PCBD2: variants seen among roughly 807,000 people sequenced by gnomAD.
PCBD2 encodes the protein pterin-4 alpha-carbinolamine dehydratase 2.
In PCBD2, 12 loss-of-function variants were observed where a neutral mutation model predicts 16.4. The observed-to-expected ratio is 0.73, with a 90% CI of 0.47 to 1.19. The LOEUF is 1.19. Ranked by LOEUF, PCBD2 falls within the 50% of genes most tolerant of loss-of-function variation. PCBD2 has a pLI of 0.00. For synonymous variants in PCBD2, 58 were observed against 61.8 expected (o/e 0.94, Z 0.29); for missense variants, 138 against 156.8 (o/e 0.88, Z 0.64).
intron 2 of PCBD2, chr5:134,926,306 T>C: frequency 8.4e-6 from 3 of 355,374 alleles, no homozygotes; most frequent in Non-Finnish European, 1.5e-5. Flanking sequence ...ATGAATATTG[T>C]TGTGGGGAAG....
At chr5:134,906,644 G>A (rs975266403) in intron 1 of PCBD2, among the ~76,000 whole-genome samples, 7 of 152,106 alleles carry the variant, frequency 4.6e-5, no homozygotes, top group African/African-American at 1.7e-4. Context: ...TTCTGGGAAG[G>A]AATGAGTCAA....
intron 2 of PCBD2, among the ~76,000 whole-genome samples, chr5:134,934,032 A>G (rs1457025635): frequency 6.6e-6 from 1 of 152,232 alleles, no homozygotes; most frequent in Non-Finnish European, 1.5e-5. Context: ...TTCATAGGAA[A>G]TTAAATCTTT....
rs1751483605 is a variant in PCBD2 at position 134,962,020 on chromosome 5, C to T, written c.*1339C>T. On this transcript the variant is annotated 3_prime_UTR_variant, in exon 4 of 4. Transcript: ENST00000254908. Reference sequence around the variant, plus strand: ...AAGCAAGCCTCCCACCTCTGCCTCCCAAAGTCCAAGGATTACAGGTGTGAG... The same window carrying T: ...AAGCAAGCCTCCCACCTCTGCCTCCTAAAGTCCAAGGATTACAGGTGTGAG... Among the ~76,000 whole-genome samples the T allele has an allele frequency of 6.6e-6, 1 of 151,806 alleles. No homozygotes were observed. Among genetic ancestry groups the T allele is most frequent in the African/African-American group, 2.4e-5 (1 of 41,256 alleles).
At chr5:134,910,987 T>A (rs1750762338) in intron 2 of PCBD2, among the ~76,000 whole-genome samples, 1 of 152,116 alleles carries the variant, frequency 6.6e-6, no homozygotes, top group Non-Finnish European at 1.5e-5. Flanking sequence ...AGGGTCTGGC[T>A]ATGTTGCCCA....
At chr5:134,915,634 A>G (rs913314331) in intron 2 of PCBD2, among the ~76,000 whole-genome samples, 71 of 150,792 alleles carry the variant, frequency 4.7e-4, no homozygotes, top group African/African-American at 1.5e-3. Context: ...TTTTTTTTGC[A>G]GAAAGGGGGT....
intron 3 of PCBD2, among the ~76,000 whole-genome samples, chr5:134,960,214 T>G (rs1751459875): frequency 6.6e-6 from 1 of 152,158 alleles, no homozygotes. Flanking sequence ...TTACATTTGA[T>G]AGCTTGGTTT....
At chr5:134,953,317 A>T (rs1751379309) in intron 2 of PCBD2, among the ~76,000 whole-genome samples, 4 of 149,988 alleles carry the variant, frequency 2.7e-5, no homozygotes, top group Non-Finnish European at 5.9e-5. Context: ...ATTCTTGTGG[A>T]TACTATTATA....
At chr5:134,926,429 C>T (rs80114355) in intron 2 of PCBD2, 1 of 391,354 alleles carries the variant, frequency 2.6e-6, no homozygotes, top group Non-Finnish European at 4.5e-6. Flanking sequence ...GAAGTTAGGG[C>T]TAGGGTGGGT....
chr5:134,935,899 C>T (rs954991813), intron 2 of PCBD2, among the ~76,000 whole-genome samples: 1 of 152,172 alleles, frequency 6.6e-6, no homozygotes, highest in Non-Finnish European at 1.5e-5. Context: ...TAAGCTGGAA[C>T]TCAGTGTGGA....
intron 2 of PCBD2, among the ~76,000 whole-genome samples, chr5:134,952,934 T>G (rs1032916367): frequency 3.9e-5 from 6 of 152,176 alleles, no homozygotes; most frequent in African/African-American, 1.4e-4. Flanking sequence ...AATTATTTAA[T>G]CTTCATTGGT....
intron 3 of PCBD2, 77 bp downstream of exon 3, chr5:134,959,197 C>A: frequency 9.3e-7 from 1 of 1,071,810 alleles, no homozygotes; most frequent in South Asian, 1.5e-5. Context: ...TCATCTTGTG[C>A]AGCTAAATGT....
intron 2 of PCBD2, among the ~76,000 whole-genome samples, chr5:134,949,656 A>G (rs1751337735): frequency 6.6e-6 from 1 of 152,238 alleles, no homozygotes; most frequent in Non-Finnish European, 1.5e-5. Context: ...TGTGTTGCCT[A>G]CAATTAAAAT....
chr5:134,948,111 C>T (rs1398269499), intron 2 of PCBD2, among the ~76,000 whole-genome samples: 2 of 151,974 alleles, frequency 1.3e-5, no homozygotes, highest in East Asian at 4.0e-4. Context: ...CTTCTGTTTG[C>T]TTTAGGAGAA....
intron 2 of PCBD2, among the ~76,000 whole-genome samples, chr5:134,917,495 T>A (rs1750848323): frequency 6.6e-6 from 1 of 152,178 alleles, no homozygotes; most frequent in South Asian, 2.1e-4. Context: ...GGGACCAAGC[T>A]TTGTGAGAAT....
intron 1 of PCBD2, among the ~76,000 whole-genome samples, chr5:134,910,131 G>A (rs1750748591): frequency 6.6e-6 from 1 of 152,192 alleles, no homozygotes; most frequent in Non-Finnish European, 1.5e-5. Context: ...CAGTAAGGGA[G>A]CCAGAGGTGA....
chr5:134,918,973 C>T (rs1297618574), intron 2 of PCBD2, among the ~76,000 whole-genome samples: 1 of 152,164 alleles, frequency 6.6e-6, no homozygotes, highest in Non-Finnish European at 1.5e-5. Context: ...GCGCATGCAA[C>T]AGATAGATGA....
intron 1 of PCBD2, among the ~76,000 whole-genome samples, chr5:134,908,253 CAG>C (rs1480704443): frequency 1.4e-5 from 2 of 140,692 alleles, no homozygotes; most frequent in Non-Finnish European, 3.0e-5. Context: ...TTTTTTGAGA[CAG>C]AGTTTCACTC....
intron 2 of PCBD2, among the ~76,000 whole-genome samples, chr5:134,957,361 C>T (rs1227775076): frequency 6.6e-6 from 1 of 152,220 alleles, no homozygotes; most frequent in African/African-American, 2.4e-5. Context: ...AGGCCATGCC[C>T]TTAACAATTG....
At chr5:134,951,413 A>T (rs1751357504) in intron 2 of PCBD2, among the ~76,000 whole-genome samples, 1 of 152,104 alleles carries the variant, frequency 6.6e-6, no homozygotes, top group Admixed American at 6.5e-5. Context: ...AATCTTTCTA[A>T]TCAGTTCCCT....
Sources: gnomAD v4.1 joint callset for allele counts (sites outside exome capture counted in the v4.1 genomes callset) on GRCh38, gnomAD v4.1.1 for gene constraint, MANE v1.5 for transcripts, NCBI Gene and HGNC (gene_info 2026-07-23, HGNC 2026-07-21) for gene names.